BABAM2: variants seen among roughly 807,000 people sequenced by gnomAD.
The protein encoded by BABAM2 is BRISC and BRCA1 A complex member 2.
A neutral mutation model predicts 54.7 loss-of-function variants in BABAM2; 31 were observed. The ratio of observed to expected loss-of-function variants is 0.57; its 90% CI spans 0.43 to 0.77. The LOEUF (loss-of-function observed/expected upper bound fraction) is 0.77. BABAM2 is among the 30% of genes least tolerant of loss of function. BABAM2 has a pLI of 0.00. For synonymous variants in BABAM2, 167 were observed against 162.9 expected, an observed-to-expected ratio of 1.03 and a Z score of -0.19; for missense variants, 364 against 455.8, an observed-to-expected ratio of 0.80 and a Z score of 1.83.
intron 3 of BABAM2, among the ~76,000 whole-genome samples, chr2:27,950,681 C>G (rs889401440): frequency 2.0e-5 from 3 of 151,654 alleles, no homozygotes; most frequent in Non-Finnish European, 4.4e-5. Flanking sequence ...GCTAAGTGAA[C>G]CCTTTTCTTC....
intron 7 of BABAM2, among the ~76,000 whole-genome samples, chr2:28,200,789 G>C (rs999062912): frequency 7.0e-4 from 94 of 134,646 alleles, no homozygotes; most frequent in Non-Finnish European, 9.6e-5. Flanking sequence ...TTTGTTTTGA[G>C]ACAGAGTCTT....
intron 11 of BABAM2, among the ~76,000 whole-genome samples, chr2:28,327,702 G>A (rs779527214): frequency 9.9e-5 from 15 of 152,148 alleles, no homozygotes; most frequent in African/African-American, 2.9e-4. Context: ...TTGGAGGCCC[G>A]GCATGCTGTG....
At chr2:28,231,785 CT>C (rs549515372) in intron 7 of BABAM2, among the ~76,000 whole-genome samples, 1 of 57,674 alleles carries the variant, frequency 1.7e-5, no homozygotes, top group African/African-American at 6.3e-5. Flanking sequence ...AGAGAGATGT[CT>C]TTTTTTTTTT....
intron 11 of BABAM2, among the ~76,000 whole-genome samples, chr2:28,299,204 T>G (rs750889608): frequency 6.6e-6 from 1 of 152,186 alleles, no homozygotes; most frequent in East Asian, 1.9e-4. Context: ...GATATGGAAG[T>G]AGGATTTCAT....
intron 7 of BABAM2, among the ~76,000 whole-genome samples, chr2:28,231,434 G>A (rs1431804238): frequency 6.6e-6 from 1 of 152,202 alleles, no homozygotes; most frequent in East Asian, 1.9e-4. Context: ...AGTGTTTGTT[G>A]AATTGGATTG....
intron 10 of BABAM2, among the ~76,000 whole-genome samples, chr2:28,288,080 G>T (rs151029385): frequency 8.9e-4 from 136 of 152,256 alleles, no homozygotes; most frequent in African/African-American, 3.1e-3. Flanking sequence ...GGGAGCACAG[G>T]TTGGAAGCAT....
intron 10 of BABAM2, among the ~76,000 whole-genome samples, chr2:28,268,124 G>A (rs1009260681): frequency 6.6e-6 from 1 of 152,122 alleles, no homozygotes; most frequent in Non-Finnish European, 1.5e-5. Flanking sequence ...CAGACAATCT[G>A]TCCATTTATT....
At chr2:28,192,220 G>A (rs1676989682) in intron 7 of BABAM2, among the ~76,000 whole-genome samples, 1 of 152,012 alleles carries the variant, frequency 6.6e-6, no homozygotes. Context: ...ATTTTTAGTA[G>A]AGACGGGGTT....
At chr2:27,951,033 C>G (rs1471277475) in intron 3 of BABAM2, among the ~76,000 whole-genome samples, 1 of 152,046 alleles carries the variant, frequency 6.6e-6, no homozygotes, top group South Asian at 2.1e-4. Context: ...CTTTCTCCCC[C>G]GCAACTGTTT....
intron 6 of BABAM2, among the ~76,000 whole-genome samples, chr2:28,067,515 G>C (rs1047622952): frequency 6.6e-6 from 1 of 152,096 alleles, no homozygotes; most frequent in East Asian, 1.9e-4. Flanking sequence ...ATTATACAAC[G>C]GTCACCTCCA....
chr2:27,938,228 CA>C, intron 3 of BABAM2, among the ~76,000 whole-genome samples: 1 of 152,286 alleles, frequency 6.6e-6, no homozygotes, highest in South Asian at 2.1e-4. Flanking sequence ...TGATAGAATT[CA>C]GCCTCCTACA....
intron 2 of BABAM2, among the ~76,000 whole-genome samples, chr2:27,899,117 A>G (rs1180589758): frequency 6.6e-6 from 1 of 152,112 alleles, no homozygotes; most frequent in East Asian, 1.9e-4. Context: ...ATAAAGAAAA[A>G]AAATAAAACC....
At chr2:28,083,674 G>C (rs1665383297) in intron 6 of BABAM2, among the ~76,000 whole-genome samples, 1 of 151,954 alleles carries the variant, frequency 6.6e-6, no homozygotes, top group African/African-American at 2.4e-5. Context: ...ATTGTCCCTG[G>C]GAGATTGATG....
chr2:28,021,217 C>CAGGAT (rs1675237202), intron 4 of BABAM2, among the ~76,000 whole-genome samples: 1 of 152,162 alleles, frequency 6.6e-6, no homozygotes, highest in Non-Finnish European at 1.5e-5. Flanking sequence ...AGCTGAAGCA[C>CAGGAT]TATCAGGATA....
At chr2:28,136,213 G>A (rs1032547378) in intron 7 of BABAM2, among the ~76,000 whole-genome samples, 7 of 152,174 alleles carry the variant, frequency 4.6e-5, no homozygotes, top group African/African-American at 1.7e-4. Flanking sequence ...GTCCGTTAAA[G>A]TCCTGCCCAT....
intron 7 of BABAM2, among the ~76,000 whole-genome samples, chr2:28,217,951 AG>A (rs1458986725): frequency 2.6e-5 from 4 of 152,238 alleles, no homozygotes; most frequent in African/African-American, 4.8e-5. Flanking sequence ...AAAAATTTAA[AG>A]GGTAGTTTAC....
At chr2:27,970,850 CA>C (rs1671159538) in intron 3 of BABAM2, among the ~76,000 whole-genome samples, 1 of 152,042 alleles carries the variant, frequency 6.6e-6, no homozygotes, top group Admixed American at 6.6e-5. Flanking sequence ...TTATTCATGA[CA>C]TTAATGATTA....
At chr2:27,963,526 A>G (rs1317091560) in intron 3 of BABAM2, among the ~76,000 whole-genome samples, 3 of 151,908 alleles carry the variant, frequency 2.0e-5, no homozygotes, top group Non-Finnish European at 4.4e-5. Context: ...ATATTCTTAA[A>G]GGATTCAGTA....
chr2:28,169,499 A>G (rs1032989627), intron 7 of BABAM2, among the ~76,000 whole-genome samples: 3 of 152,136 alleles, frequency 2.0e-5, no homozygotes, highest in Admixed American at 6.6e-5. Flanking sequence ...TATCCAGGCC[A>G]GGTGGGGTGG....
Sources: gnomAD v4.1 joint callset for allele counts (sites outside exome capture counted in the v4.1 genomes callset) on GRCh38, gnomAD v4.1.1 for gene constraint, MANE v1.5 for transcripts, NCBI Gene and HGNC (gene_info 2026-07-23, HGNC 2026-07-21) for gene names.